The following CCL28 variants were observed in gnomAD, a reference collection of about 807,000 sequenced individuals.
CCL28 encodes C-C motif chemokine ligand 28, also known as C-C motif chemokine 28.
Under a neutral mutation model 7.1 loss-of-function variants are expected in CCL28, and 4 were observed. The observed-to-expected ratio is 0.56, with a 90% confidence interval of 0.28 to 1.29. CCL28 has a LOEUF of 1.29. CCL28 is among the 50% of genes most tolerant of loss of function. The pLI is 0.11. For synonymous variants in CCL28, 55 were observed against 57.8 expected, an observed-to-expected ratio of 0.95 and a Z score of 0.22; for missense variants, 151 against 163.4, an observed-to-expected ratio of 0.92 and a Z score of 0.41.
rs1740075574 is a variant in CCL28, at chr5:43,380,705, G to A, written c.*1155C>T. 6.6e-6 allele frequency: 1 copy of A among 152,128 alleles called. No homozygotes were observed. Among genetic ancestry groups the A allele is most frequent in the Non-Finnish European group, 1.5e-5 (1 of 68,042 alleles). The allele number at this position is 152,128 out of a possible 1,614,324, so 9.4% of individuals were successfully genotyped here. A position where few individuals can be genotyped will look rare whatever the true frequency, so the allele number is the denominator to read the frequency against. ...TGATCCCAGATACTCGGGAGGCTGA[G>A]GTGGGAGGATTGCTTGAGCCCTAGA... On this transcript the variant is annotated 3_prime_UTR_variant, in exon 3 of 3. Transcript: ENST00000361115.
rs1740104883 is a variant in CCL28, at chr5:43,381,351, A to C, written c.*509T>G. Reference sequence around the variant, plus strand: ...GAAGTTATATCTATATGCTCCTCTTAAAATATTATATGAAGATATACACTA... The same window carrying C: ...GAAGTTATATCTATATGCTCCTCTTCAAATATTATATGAAGATATACACTA... On this transcript the variant is annotated 3_prime_UTR_variant, in exon 3 of 3. Transcript: ENST00000361115. 6.6e-6 allele frequency: 1 copy of C among 152,326 alleles called. No individual in the cohort carries two copies. The highest frequency in any genetic ancestry group is 3.4e-3 in the Middle Eastern group (1 of 294). 9.4% of individuals were successfully genotyped at this position (152,326 alleles called of 1,614,324 possible). A position where few individuals can be genotyped will look rare whatever the true frequency, so the allele number is the denominator to read the frequency against.
chr5:43,363,718 T>G, the CCL28 span, among the ~76,000 whole-genome samples: 1 of 152,202 alleles, frequency 6.6e-6, no homozygotes, highest in African/African-American at 2.4e-5. Flanking sequence ...TATCTCCAAT[T>G]TCAGTAGCTC....
At chr5:43,370,670 T>C in the CCL28 span, among the ~76,000 whole-genome samples, 2 of 152,058 alleles carry the variant, frequency 1.3e-5, 1 homozygote, top group Non-Finnish European at 2.9e-5. Flanking sequence ...GATTTTCCAT[T>C]CACAGAATAT....
intron 2 of CCL28, among the ~76,000 whole-genome samples, chr5:43,384,229 G>A (rs912907462): frequency 6.6e-6 from 1 of 152,178 alleles, no homozygotes; most frequent in Admixed American, 6.5e-5. Flanking sequence ...GGCTGAAGGA[G>A]AGAACCAGAT....
At chr5:43,369,067 AG>A in the CCL28 span, among the ~76,000 whole-genome samples, 2 of 147,756 alleles carry the variant, frequency 1.4e-5, no homozygotes, top group African/African-American at 2.5e-5. Context: ...AGAGAGAGAG[AG>A]AGAGAGAGAG....
the CCL28 span, among the ~76,000 whole-genome samples, chr5:43,357,557 C>A: frequency 6.6e-6 from 1 of 152,084 alleles, no homozygotes; most frequent in Non-Finnish European, 1.5e-5. Context: ...ACAACAAAAG[C>A]AAAAACATGA....
intron 2 of CCL28, among the ~76,000 whole-genome samples, chr5:43,386,660 C>A (rs1740347806): frequency 6.6e-6 from 1 of 152,232 alleles, no homozygotes; most frequent in African/African-American, 2.4e-5. Context: ...CAGGTTCATA[C>A]ACAAAAATTT....
the CCL28 span, among the ~76,000 whole-genome samples, chr5:43,366,814 G>A: frequency 0.029 from 4,395 of 152,236 alleles, 163 homozygotes; most frequent in African/African-American, 0.086. Flanking sequence ...CCTGACTACC[G>A]GCTGCTGCCT....
In CCL28 at chr5:43,381,296, G is replaced by A. The variant is rs1255612176; in HGVS notation, c.*564C>T. ...TACCATTCTTTTAACTTCTCTGTAA[G>A]TTTGGAAAACTATAATTAAAAAGTT... On this transcript the variant is annotated 3_prime_UTR_variant, in exon 3 of 3. Coordinates refer to ENST00000361115, the MANE Select transcript of CCL28 (RefSeq NM_148672.3). The A allele has an allele frequency of 6.6e-6, 1 of 152,104 alleles. No homozygotes were observed. The highest frequency in any genetic ancestry group is 2.4e-5 in the African/African-American group (1 of 41,416). The allele number at this position is 152,104 out of a possible 1,614,324, so 9.4% of individuals were successfully genotyped here. A position where few individuals can be genotyped will look rare whatever the true frequency, so the allele number is the denominator to read the frequency against.
At chr5:43,360,994 G>A in the CCL28 span, among the ~76,000 whole-genome samples, 1 of 152,008 alleles carries the variant, frequency 6.6e-6, no homozygotes, top group Non-Finnish European at 1.5e-5. Flanking sequence ...GGCACCTCCT[G>A]ACAGGACCCA....
intron 1 of CCL28, among the ~76,000 whole-genome samples, chr5:43,405,984 C>G (rs948229069): frequency 1.3e-5 from 2 of 151,994 alleles, no homozygotes; most frequent in Non-Finnish European, 2.9e-5. Flanking sequence ...ATAACAGGCT[C>G]TGAAATTGAG....
chr5:43,380,783 G>A lies in CCL28; in HGVS notation c.*1077C>T, dbSNP rs567014917. 2.6e-5 allele frequency: 4 copies of A among 151,618 alleles called. No homozygotes were observed. The highest frequency in any genetic ancestry group is 7.3e-5 in the African/African-American group (3 of 41,292). 9.4% of individuals were successfully genotyped at this position (151,618 alleles called of 1,614,324 possible). A position where few individuals can be genotyped will look rare whatever the true frequency, so the allele number is the denominator to read the frequency against. On this transcript the variant is annotated 3_prime_UTR_variant, in exon 3 of 3. Coordinates refer to ENST00000361115, the MANE Select transcript of CCL28 (RefSeq NM_148672.3). ...AAATTGTGCCACTGCACTCCAGCCT[G>A]GAAGACACAGCAAGACCCTCCCTCA...
intron 1 of CCL28, among the ~76,000 whole-genome samples, chr5:43,404,721 A>T (rs1032665761): frequency 1.3e-5 from 2 of 152,248 alleles, no homozygotes; most frequent in African/African-American, 4.8e-5. Context: ...GGCAAACTGG[A>T]TAAAGAGTCA....
chr5:43,366,492 G>A, the CCL28 span, among the ~76,000 whole-genome samples: 1 of 152,182 alleles, frequency 6.6e-6, no homozygotes, highest in African/African-American at 2.4e-5. Context: ...TATCACCAGT[G>A]GAGGCTGCAG....
intron 2 of CCL28, among the ~76,000 whole-genome samples, chr5:43,385,265 G>A (rs1315174069): frequency 6.6e-6 from 1 of 152,214 alleles, no homozygotes; most frequent in African/African-American, 2.4e-5. Flanking sequence ...AGTCACTGTA[G>A]AGGAGTTTGA....
the CCL28 span, among the ~76,000 whole-genome samples, chr5:43,368,669 G>A: frequency 6.6e-6 from 1 of 152,244 alleles, no homozygotes; most frequent in Admixed American, 6.5e-5. Flanking sequence ...TCATTAGGGT[G>A]GGCCCTAATC....
In CCL28 at chr5:43,410,980, A is replaced by G. The variant is rs150638751; in HGVS notation, c.64+1273T>C. On this transcript the variant is annotated intron_variant, in intron 1 of 2. Transcript: ENST00000361115. ...TTATTTGTATAAGCCCAGTACATTGACGGACTATATTGGGAGTCCCTAAGC... is the reference window on the plus strand; with the variant it reads ...TTATTTGTATAAGCCCAGTACATTGGCGGACTATATTGGGAGTCCCTAAGC... Among the ~76,000 whole-genome samples the G allele has an allele frequency of 3.6e-3, 554 of 152,334 alleles. 8 individuals carry two copies. The highest frequency in any genetic ancestry group is 0.013 in the African/African-American group (525 of 41,572).
At chr5:43,365,134 A>G in the CCL28 span, among the ~76,000 whole-genome samples, 76,595 of 151,326 alleles carry the variant, frequency 0.51, 19,923 homozygotes, top group Middle Eastern at 0.62. Context: ...CCTCCCAAGT[A>G]ACTGGGATTA....
At chr5:43,371,309 G>T in the CCL28 span, among the ~76,000 whole-genome samples, 5 of 152,058 alleles carry the variant, frequency 3.3e-5, no homozygotes, top group Admixed American at 2.6e-4. Context: ...TTATAGAAAC[G>T]TGTGGAATGG....
Sources: allele counts gnomAD v4.1 joint callset (sites outside exome capture counted in the v4.1 genomes callset), GRCh38; gene constraint gnomAD v4.1.1; transcripts MANE v1.5; gene names NCBI Gene and HGNC (gene_info 2026-07-23, HGNC 2026-07-21).